Variants in KDM2B observed in about 807,000 individuals in gnomAD.
KDM2B encodes lysine-specific demethylase 2B.
Under a neutral mutation model 150.0 loss-of-function variants are expected in KDM2B, and 26 were observed. That is an observed-to-expected ratio of 0.17 (90% CI 0.13 to 0.24). KDM2B has a LOEUF of 0.24. Among genes scored for constraint, KDM2B ranks in the 10% least tolerant of loss-of-function variants. The pLI, the probability that KDM2B is intolerant of heterozygous loss-of-function variation, is 1.00. For synonymous variants in KDM2B, 734 were observed against 729.5 expected, an observed-to-expected ratio of 1.01 and a Z score of -0.10; for missense variants, 1,265 against 1,816.9, an observed-to-expected ratio of 0.70 and a Z score of 5.52.
chr12:121,452,244 G>GT lies in KDM2B; in HGVS notation c.1959+875dup, dbSNP rs1877409114. ...TCAGCTTCCCAAAAACGTGCATATG[G>GT]TAATACTACTGTACTGCATACTTAA... On this transcript the variant is annotated intron_variant, in intron 13 of 22. Coordinates refer to ENST00000377071, the MANE Select transcript of KDM2B (RefSeq NM_032590.5). The surrounding 1 kb of genome is among the most constrained non-coding windows in gnomAD (Gnocchi z 4.4). 6.6e-6 allele frequency among the ~76,000 whole-genome samples: 1 copy of GT among 152,180 alleles called. No homozygotes were observed. The highest frequency in any genetic ancestry group is 1.5e-5 in the Non-Finnish European group (1 of 68,030).
chr12:121,580,087 C>T, intron 1 of KDM2B: 2 of 1,567,636 alleles, frequency 1.3e-6, no homozygotes, highest in Non-Finnish European at 1.7e-6. Flanking sequence ...ATTGTCAACA[C>T]TCCTGCCCCC....
At chr12:121,563,117 C>T (rs949588912) in intron 4 of KDM2B, among the ~76,000 whole-genome samples, 1 of 151,496 alleles carries the variant, frequency 6.6e-6, no homozygotes, top group Admixed American at 6.6e-5. Context: ...CGTGAGTTTG[C>T]GAGCAGCCTG....
At chr12:121,473,573 G>T (rs2139726897) in intron 12 of KDM2B, among the ~76,000 whole-genome samples, 1 of 151,826 alleles carries the variant, frequency 6.6e-6, no homozygotes, top group Admixed American at 6.6e-5. Flanking sequence ...ACAAAAGTCA[G>T]CCAGGCATGA....
In KDM2B at chr12:121,531,083, C is replaced by T. The variant is rs190748995; in HGVS notation, c.931+1723G>A. On this transcript the variant is annotated intron_variant, in intron 8 of 22. Coordinates refer to ENST00000377071, the MANE Select transcript of KDM2B (RefSeq NM_032590.5). ...CACCTGCAGAGTGGATTGAGCACAG[C>T]TTAGAAGGAGGATGCCACCTCCTTC... is the stretch of plus-strand genomic sequence containing the variant. 1.2e-4 allele frequency among the ~76,000 whole-genome samples: 18 copies of T among 152,228 alleles called. No individual in the cohort carries two copies. In the East Asian group the frequency reaches 3.1e-3, roughly 26 times the overall value.
chr12:121,523,054 C>T (rs1024861610), intron 8 of KDM2B, among the ~76,000 whole-genome samples: 1 of 152,208 alleles, frequency 6.6e-6, no homozygotes, highest in African/African-American at 2.4e-5. Flanking sequence ...TGCCGGGTCA[C>T]ACAGCGTGGG....
intron 4 of KDM2B, among the ~76,000 whole-genome samples, chr12:121,563,644 C>T (rs1423784542): frequency 1.3e-5 from 2 of 150,946 alleles, no homozygotes; most frequent in African/African-American, 2.4e-5. Context: ...AAAGGCCAGG[C>T]ACAGTGGCTC....
chr12:121,459,940 T>C (rs1455870516), intron 12 of KDM2B, among the ~76,000 whole-genome samples: 1 of 152,080 alleles, frequency 6.6e-6, no homozygotes, highest in Admixed American at 6.6e-5. Flanking sequence ...AGTTAGTACT[T>C]AGAATATACA....
chr12:121,479,697 C>T (rs1881863552), intron 12 of KDM2B, among the ~76,000 whole-genome samples: 1 of 151,968 alleles, frequency 6.6e-6, no homozygotes, highest in Non-Finnish European at 1.5e-5. Context: ...TCTTGGCTCA[C>T]TGCAACCTCC....
chr12:121,441,585 C>T (rs148875079), intron 19 of KDM2B, among the ~76,000 whole-genome samples: 31 of 152,184 alleles, frequency 2.0e-4, no homozygotes, highest in Admixed American at 1.1e-3. Context: ...TACAGGTGTG[C>T]GCCACCACAC....
At chr12:121,532,515 AC>A (rs1887745163) in intron 8 of KDM2B, among the ~76,000 whole-genome samples, 1 of 152,034 alleles carries the variant, frequency 6.6e-6, no homozygotes, top group Non-Finnish European at 1.5e-5. Context: ...CACCCCCATT[AC>A]CCAACACACA....
At chr12:121,418,098 T>A in the KDM2B span, 1 of 648,480 alleles carries the variant, frequency 1.5e-6, no homozygotes, top group Non-Finnish European at 2.6e-6. Flanking sequence ...AGGTGCTAGG[T>A]GGCTCCAAAG....
intron 11 of KDM2B, among the ~76,000 whole-genome samples, chr12:121,505,418 C>T (rs1884981842): frequency 6.6e-6 from 1 of 151,988 alleles, no homozygotes; most frequent in Non-Finnish European, 1.5e-5. Flanking sequence ...GCTGTCCAAC[C>T]ACCTGAGCCC....
chr12:121,558,042 C>T (rs1220909684), intron 4 of KDM2B, among the ~76,000 whole-genome samples: 2 of 152,190 alleles, frequency 1.3e-5, no homozygotes, highest in Non-Finnish European at 2.9e-5. Context: ...CCTCATACCA[C>T]TTCATCCTAA....
At chr12:121,576,433 T>C (rs2136622896) in intron 2 of KDM2B, among the ~76,000 whole-genome samples, 1 of 152,264 alleles carries the variant, frequency 6.6e-6, no homozygotes. Flanking sequence ...CCAAAATAAC[T>C]AGGGAACTGG....
intron 4 of KDM2B, among the ~76,000 whole-genome samples, chr12:121,550,471 G>A (rs781927888): frequency 3.3e-5 from 5 of 152,114 alleles, no homozygotes; most frequent in African/African-American, 7.2e-5. Flanking sequence ...TCCAGCCTAC[G>A]GCCTATCATT....
chr12:121,568,462 A>G (rs1890863254), intron 4 of KDM2B, among the ~76,000 whole-genome samples: 2 of 152,180 alleles, frequency 1.3e-5, no homozygotes, highest in Admixed American at 6.6e-5. Flanking sequence ...CTCCATCTCA[A>G]AAAAACAAAC....
intron 11 of KDM2B, among the ~76,000 whole-genome samples, chr12:121,495,530 C>T (rs1883838060): frequency 6.6e-6 from 1 of 152,130 alleles, no homozygotes; most frequent in African/African-American, 2.4e-5. Context: ...AAACTCCTGG[C>T]CTCGAGGAAT....
intron 8 of KDM2B, among the ~76,000 whole-genome samples, chr12:121,527,944 A>G (rs1887297032): frequency 1.3e-5 from 2 of 152,230 alleles, no homozygotes; most frequent in Admixed American, 1.3e-4. Flanking sequence ...GGAAAAAGAC[A>G]TCACCTGGTT....
At position 121,509,882 on chromosome 12, in the gene KDM2B, A is replaced by G. The variant is rs781944014; in HGVS notation, c.1332T>C (p.Thr444=). ...RAPKPPTDGS[T]SPTSTPSEDQ... is the part of the protein sequence containing the mutation. ...CCTCAGAGGGCGTGCTGGTGGGTGA[A>G]GTGGAGCCATCGGTGGGCGGTTTGG... Residue 444 remains threonine (T), a synonymous_variant, in exon 11 of 23, where the codon ACT becomes ACC. Coordinates refer to ENST00000377071, the MANE Select transcript of KDM2B (RefSeq NM_032590.5). 2 of 1,613,802 alleles carry G rather than the reference A, an allele frequency of 1.2e-6. No homozygotes were observed. The highest frequency in any genetic ancestry group is 2.2e-5 in the South Asian group (2 of 91,072).
Sources: gnomAD v4.1 joint callset for allele counts (sites outside exome capture counted in the v4.1 genomes callset) on GRCh38, gnomAD v4.1.1 for gene constraint, Gnocchi (gnomAD v3.1) non-coding constraint, MANE v1.5 for transcripts, NCBI Gene and HGNC (gene_info 2026-07-23, HGNC 2026-07-21) for gene names.